FRMD4A: variants seen among roughly 807,000 people sequenced by gnomAD.
FRMD4A encodes FERM domain-containing protein 4A.
A neutral mutation model predicts 129.1 loss-of-function variants in FRMD4A; 29 were observed. The ratio of observed to expected loss-of-function variants is 0.22; its 90% CI spans 0.17 to 0.31. The LOEUF (loss-of-function observed/expected upper bound fraction) is 0.31, where lower values mean the gene tolerates loss of function less well. FRMD4A is among the 10% of genes least tolerant of loss of function. The pLI is 1.00. For missense variants in FRMD4A, 1,272 were observed against 1,375.8 expected (o/e 0.92, Z 1.19); for synonymous variants, 634 against 571.6 (o/e 1.11, Z -1.56).
chr10:14,153,969 C>A (rs541782067), intron 2 of FRMD4A, among the ~76,000 whole-genome samples: 21 of 151,512 alleles, frequency 1.4e-4, no homozygotes, highest in Admixed American at 1.2e-3. Context: ...CTGGCTGTGT[C>A]CCAACGGCCA....
rs76195406 is a variant in FRMD4A at position 14,278,175 on chromosome 10, G to A, written c.45+51883C>T. On this transcript the variant is annotated intron_variant, in intron 2 of 24. Coordinates refer to ENST00000357447, the MANE Select transcript of FRMD4A (RefSeq NM_018027.5). ...GCTTCCCTGGAGAGAGCTCTACCGT[G>A]TTGGTTCTCAGGTCACTCAGTAACT... 5.3e-5 allele frequency among the ~76,000 whole-genome samples: 8 copies of A among 152,306 alleles called. No homozygotes were observed. In the East Asian group the frequency reaches 1.4e-3, roughly 26 times the overall value.
intron 2 of FRMD4A, among the ~76,000 whole-genome samples, chr10:14,052,870 C>T (rs941440693): frequency 2.0e-5 from 3 of 152,038 alleles, no homozygotes; most frequent in East Asian, 1.9e-4. Flanking sequence ...AGCCACCAGG[C>T]TCTTTTTTAA....
chr10:13,967,055 G>GGGCC (rs2095489441), intron 2 of FRMD4A, among the ~76,000 whole-genome samples: 1 of 152,162 alleles, frequency 6.6e-6, no homozygotes, highest in African/African-American at 2.4e-5. Flanking sequence ...ATGACACAAC[G>GGGCC]GGCCGGGCGC....
At chr10:14,230,984 A>C (rs929850058) in intron 2 of FRMD4A, among the ~76,000 whole-genome samples, 2 of 152,168 alleles carry the variant, frequency 1.3e-5, no homozygotes, top group Admixed American at 6.5e-5. Context: ...TTATGGCTAC[A>C]TAGTATTCCA....
At chr10:13,954,272 T>A (rs1205494216) in intron 2 of FRMD4A, among the ~76,000 whole-genome samples, 1 of 152,172 alleles carries the variant, frequency 6.6e-6, no homozygotes, top group East Asian at 1.9e-4. Flanking sequence ...GAGTAATTTA[T>A]AAAGAAAAAG....
rs1846140445 is a variant in FRMD4A at position 14,300,233 on chromosome 10, G to A, written c.45+29825C>T. The stretch of plus-strand genomic sequence containing the variant: ...GGTCTTCTCCAGGTCTCTGACCTCT[G>A]ACGTTAAACTGCTTTATTCTGTAAC... On this transcript the variant is annotated intron_variant, in intron 2 of 24. Coordinates refer to ENST00000357447, the MANE Select transcript of FRMD4A (RefSeq NM_018027.5). 3.9e-5 allele frequency among the ~76,000 whole-genome samples: 6 copies of A among 152,040 alleles called. No homozygotes were observed. The South Asian group carries it at 1.2e-3, about 32-fold the overall frequency.
At chr10:13,841,969 G>C (rs1228678529) in intron 3 of FRMD4A, among the ~76,000 whole-genome samples, 3 of 152,124 alleles carry the variant, frequency 2.0e-5, no homozygotes, top group African/African-American at 7.2e-5. Flanking sequence ...CAGGTGGTTA[G>C]TGCCAGAATT....
At chr10:14,277,793 T>C (rs1589256774) in intron 2 of FRMD4A, among the ~76,000 whole-genome samples, 1 of 152,176 alleles carries the variant, frequency 6.6e-6, no homozygotes, top group African/African-American at 2.4e-5. Context: ...CTTTGCCTAC[T>C]GGGGAAGGGA....
intron 2 of FRMD4A, among the ~76,000 whole-genome samples, chr10:14,161,193 T>C (rs941392354): frequency 1.3e-5 from 2 of 152,092 alleles, no homozygotes; most frequent in Non-Finnish European, 2.9e-5. Flanking sequence ...TGACCTGAGG[T>C]AATCCACCCG....
intron 2 of FRMD4A, among the ~76,000 whole-genome samples, chr10:14,094,352 C>T (rs1304772155): frequency 3.9e-5 from 6 of 152,182 alleles, no homozygotes; most frequent in South Asian, 2.1e-4. Context: ...ACCGTGTTAA[C>T]GAGACCCCCT....
At position 13,849,102 on chromosome 10, in the gene FRMD4A, G is replaced by A. The variant is rs1187958596; in HGVS notation, c.111+9745C>T. On this transcript the variant is annotated intron_variant, in intron 3 of 24. Coordinates refer to ENST00000357447, the MANE Select transcript of FRMD4A (RefSeq NM_018027.5). ...GAGAGGAGCCTAATAAATGATGATG[G>A]GATCGCAGTGAGGTGTGAGGTCAGC... Among the ~76,000 whole-genome samples the A allele has an allele frequency of 5.3e-5, 8 of 152,190 alleles. No homozygotes were observed. In the East Asian group the frequency reaches 1.5e-3, roughly 29 times the overall value.
At chr10:13,840,790 A>C (rs6602687) in intron 3 of FRMD4A, among the ~76,000 whole-genome samples, 9 of 6,558 alleles carry the variant, frequency 1.4e-3, no homozygotes, top group African/African-American at 6.2e-3. Context: ...CTCTGTCTCA[A>C]AAAAAAAAAA....
At chr10:13,896,487 G>A (rs2094759790) in intron 2 of FRMD4A, among the ~76,000 whole-genome samples, 1 of 152,118 alleles carries the variant, frequency 6.6e-6, no homozygotes, top group African/African-American at 2.4e-5. Flanking sequence ...CATGGACACA[G>A]GGAGGGGAAC....
At chr10:14,220,806 G>GTT (rs1175052922) in intron 2 of FRMD4A, among the ~76,000 whole-genome samples, 66 of 33,186 alleles carry the variant, frequency 2.0e-3, no homozygotes, top group African/African-American at 4.2e-3. Flanking sequence ...GTGTGTGTGT[G>GTT]TGTGTTTGTG....
At chr10:13,695,416 C>T (rs1042453875) in intron 14 of FRMD4A, among the ~76,000 whole-genome samples, 1 of 152,232 alleles carries the variant, frequency 6.6e-6, no homozygotes, top group Admixed American at 6.5e-5. Flanking sequence ...GCTGGGATTA[C>T]AGGCGTGAGC....
intron 8 of FRMD4A, among the ~76,000 whole-genome samples, chr10:13,750,240 T>C (rs1219199470): frequency 6.6e-6 from 1 of 152,048 alleles, no homozygotes; most frequent in Non-Finnish European, 1.5e-5. Context: ...AGTGTAACTG[T>C]TTGAATCAAT....
At chr10:14,213,406 G>A (rs1842984384) in intron 2 of FRMD4A, among the ~76,000 whole-genome samples, 1 of 152,184 alleles carries the variant, frequency 6.6e-6, no homozygotes, top group African/African-American at 2.4e-5. Flanking sequence ...ATGTGAGGTA[G>A]GTGCTGCTAT....
At chr10:13,970,671 A>G (rs530667437) in intron 2 of FRMD4A, among the ~76,000 whole-genome samples, 195 of 152,256 alleles carry the variant, frequency 1.3e-3, no homozygotes, top group Non-Finnish European at 1.5e-3. Context: ...AGCCAGGCCA[A>G]GGGACATTCT....
chr10:13,782,286 G>A (rs1464450939), intron 6 of FRMD4A, among the ~76,000 whole-genome samples: 2 of 152,056 alleles, frequency 1.3e-5, no homozygotes, highest in African/African-American at 2.4e-5. Flanking sequence ...GTTGACTGGT[G>A]CATTTGTCAT....
Sources: gnomAD v4.1 joint callset for allele counts (sites outside exome capture counted in the v4.1 genomes callset) on GRCh38, gnomAD v4.1.1 for gene constraint, MANE v1.5 for transcripts, NCBI Gene and HGNC (gene_info 2026-07-23, HGNC 2026-07-21) for gene names.